Variants in SPSB4 observed in about 807,000 individuals in gnomAD.
SPSB4 encodes the protein SPRY domain-containing SOCS box protein 4.
In SPSB4, 21 loss-of-function variants were observed where a neutral mutation model predicts 20.9. The ratio of observed to expected loss-of-function variants is 1.01; its 90% CI spans 0.71 to 1.45. SPSB4 has a LOEUF of 1.45. Among genes scored for constraint, SPSB4 ranks in the 40% most tolerant of loss-of-function variants. The pLI is 0.00. For missense variants in SPSB4, 399 were observed against 399.2 expected, an observed-to-expected ratio of 1.00 and a Z score of 0.00; for synonymous variants, 207 against 183.8, an observed-to-expected ratio of 1.13 and a Z score of -1.02.
intron 2 of SPSB4, among the ~76,000 whole-genome samples, chr3:141,145,448 G>A (rs561348499): frequency 7.9e-5 from 12 of 152,036 alleles, no homozygotes; most frequent in East Asian, 5.8e-4. Flanking sequence ...ACATATTCTC[G>A]ACTCTTGACT....
intron 2 of SPSB4, among the ~76,000 whole-genome samples, chr3:141,094,336 C>T (rs1938511249): frequency 6.6e-6 from 1 of 152,222 alleles, no homozygotes; most frequent in Non-Finnish European, 1.5e-5. Context: ...TGAGTCATTG[C>T]ATTTGTGCCT....
chr3:141,072,540 C>G (rs1200462960), intron 2 of SPSB4, among the ~76,000 whole-genome samples: 1 of 152,160 alleles, frequency 6.6e-6, no homozygotes, highest in Non-Finnish European at 1.5e-5. Context: ...GTCTCTCTTA[C>G]CATGTGACAC....
intron 2 of SPSB4, 77 bp downstream of exon 2, chr3:141,066,875 A>G (rs1368069064): frequency 9.4e-6 from 13 of 1,384,244 alleles, no homozygotes; most frequent in African/African-American, 1.5e-5. Context: ...CCACACCTCC[A>G]TCGCCACTTG....
intron 1 of SPSB4, among the ~76,000 whole-genome samples, chr3:141,054,359 C>G (rs1297101394): frequency 6.6e-6 from 1 of 152,160 alleles, no homozygotes; most frequent in Non-Finnish European, 1.5e-5. Context: ...AGTATGTACT[C>G]TTGATTTATG....
chr3:141,053,911 C>T (rs1339113657), intron 1 of SPSB4, among the ~76,000 whole-genome samples: 2 of 152,198 alleles, frequency 1.3e-5, no homozygotes, highest in African/African-American at 4.8e-5. Context: ...ACCTCTTCCT[C>T]ACCATTTTCC....
chr3:141,142,387 C>T (rs1305591543), intron 2 of SPSB4, among the ~76,000 whole-genome samples: 3 of 152,090 alleles, frequency 2.0e-5, no homozygotes, highest in Non-Finnish European at 4.4e-5. Context: ...CAATTTTATT[C>T]CACTGTGGTC....
chr3:141,106,089 G>C (rs1341313292), intron 2 of SPSB4, among the ~76,000 whole-genome samples: 4 of 152,204 alleles, frequency 2.6e-5, no homozygotes, highest in Admixed American at 2.0e-4. Flanking sequence ...CTCTGCCCTA[G>C]ACTGGCCGTG....
At chr3:141,087,744 C>T (rs1406681068) in intron 2 of SPSB4, among the ~76,000 whole-genome samples, 2 of 152,146 alleles carry the variant, frequency 1.3e-5, no homozygotes, top group African/African-American at 2.4e-5. Flanking sequence ...CCCACGTGCC[C>T]ACCAAGGCAA....
chr3:141,100,287 G>T (rs948828641), intron 2 of SPSB4, among the ~76,000 whole-genome samples: 1 of 152,154 alleles, frequency 6.6e-6, no homozygotes, highest in Non-Finnish European at 1.5e-5. Context: ...TGAGGTCATT[G>T]CAGATGTAAT....
chr3:141,114,052 C>T (rs1938847686), intron 2 of SPSB4, among the ~76,000 whole-genome samples: 1 of 152,200 alleles, frequency 6.6e-6, no homozygotes, highest in Admixed American at 6.5e-5. Flanking sequence ...CACACCACTG[C>T]ACTCTAGCCT....
intron 2 of SPSB4, among the ~76,000 whole-genome samples, chr3:141,117,803 T>C (rs1286584277): frequency 6.6e-6 from 1 of 152,254 alleles, no homozygotes; most frequent in Non-Finnish European, 1.5e-5. Flanking sequence ...AGTTTCCCAC[T>C]TCATCCATGT....
rs1264166341 is a variant in SPSB4, at chr3:141,076,633, G to A, written c.694+9835G>A. ...TGCACATGTGGAGATTAGGCCTGAGGGACATGAAGAGCCAGCAGTTGCTTG... is the reference window on the plus strand; with the variant it reads ...TGCACATGTGGAGATTAGGCCTGAGAGACATGAAGAGCCAGCAGTTGCTTG... On this transcript the variant is annotated intron_variant, in intron 2 of 2. Coordinates refer to ENST00000310546, the MANE Select transcript of SPSB4 (RefSeq NM_080862.3). Among the ~76,000 whole-genome samples the A allele has an allele frequency of 3.9e-5, 6 of 152,310 alleles. No homozygotes were observed. The East Asian group carries it at 1.2e-3, about 29-fold the overall frequency.
At chr3:141,126,254 C>T (rs958952471) in intron 2 of SPSB4, among the ~76,000 whole-genome samples, 2 of 152,164 alleles carry the variant, frequency 1.3e-5, no homozygotes, top group Admixed American at 6.5e-5. Context: ...CTCCTGAACC[C>T]AGTCACCTCT....
intron 2 of SPSB4, among the ~76,000 whole-genome samples, chr3:141,141,439 G>A (rs1476090242): frequency 6.6e-6 from 1 of 152,206 alleles, no homozygotes; most frequent in Admixed American, 6.5e-5. Flanking sequence ...GGGAGTTGTA[G>A]ACTGGAGCTG....
At position 141,055,693 on chromosome 3, in the gene SPSB4, A is replaced by T. The variant is rs1351144236; in HGVS notation, c.-154+3701A>T. 3.3e-5 allele frequency among the ~76,000 whole-genome samples: 5 copies of T among 152,292 alleles called. No individual in the cohort carries two copies. In the East Asian group the frequency reaches 9.7e-4, roughly 29 times the overall value. On this transcript the variant is annotated intron_variant, in intron 1 of 2. Transcript: ENST00000310546. ...CCAAGAGACGGGATCCATGGCAGGA[A>T]CAGTGACATGCAGAGGAACCTGGCA...
chr3:141,126,071 G>T (rs1159990869), intron 2 of SPSB4, among the ~76,000 whole-genome samples: 3 of 152,216 alleles, frequency 2.0e-5, no homozygotes, highest in African/African-American at 7.2e-5. Context: ...TGCTCCCCAA[G>T]TCTTTGGGGC....
At chr3:141,068,846 C>T (rs894376332) in intron 2 of SPSB4, among the ~76,000 whole-genome samples, 2 of 152,140 alleles carry the variant, frequency 1.3e-5, no homozygotes, top group Non-Finnish European at 2.9e-5. Context: ...GGGTTGCAGC[C>T]TGTGGGGCCA....
At chr3:141,115,447 T>A (rs1938867533) in intron 2 of SPSB4, 1 of 152,194 alleles carries the variant, frequency 6.6e-6, no homozygotes, top group Non-Finnish European at 1.5e-5. Context: ...AACCTGAATT[T>A]TGGAGTTTTC....
intron 1 of SPSB4, among the ~76,000 whole-genome samples, chr3:141,061,292 GAGAATAAAGC>G (rs1179054408): frequency 6.6e-6 from 1 of 151,950 alleles, no homozygotes; most frequent in Non-Finnish European, 1.5e-5. Flanking sequence ...AAAAAAAAGA[GAGAATAAAGC>G]AAAATTCCTC....
Sources: gnomAD v4.1 joint callset for allele counts (sites outside exome capture counted in the v4.1 genomes callset) on GRCh38, gnomAD v4.1.1 for gene constraint, MANE v1.5 for transcripts, NCBI Gene and HGNC (gene_info 2026-07-23, HGNC 2026-07-21) for gene names.